Variants in PSD3 observed in about 807,000 individuals in gnomAD.
PSD3 encodes PH and SEC7 domain-containing protein 3.
In PSD3, 49 loss-of-function variants were observed where a neutral mutation model predicts 105.5. The ratio of observed to expected loss-of-function variants is 0.46; its 90% CI spans 0.37 to 0.59. The LOEUF is 0.59. Among genes scored for constraint, PSD3 ranks in the 20% least tolerant of loss-of-function variants. The probability of loss-of-function intolerance (pLI) is 0.00; values close to 1 mark genes in which losing one functional copy is unlikely to be tolerated. For synonymous variants in PSD3, 557 were observed against 457.8 expected, an observed-to-expected ratio of 1.22 and a Z score of -2.77; for missense variants, 1,561 against 1,263.8, an observed-to-expected ratio of 1.24 and a Z score of -3.57.
At chr8:19,047,610 A>G (rs1274912547) in intron 1 of PSD3, among the ~76,000 whole-genome samples, 1 of 152,068 alleles carries the variant, frequency 6.6e-6, no homozygotes, top group Non-Finnish European at 1.5e-5. Flanking sequence ...TTACAACTAC[A>G]CCATCAAGCC....
chr8:18,685,091 C>T (rs972003807), intron 9 of PSD3, among the ~76,000 whole-genome samples: 3 of 152,132 alleles, frequency 2.0e-5, no homozygotes, highest in African/African-American at 7.2e-5. Context: ...TTTACAAAGA[C>T]CACTCTGGGA....
intron 9 of PSD3, among the ~76,000 whole-genome samples, chr8:18,719,107 TGACTTCG>T (rs1802783658): frequency 6.6e-6 from 1 of 152,208 alleles, no homozygotes; most frequent in Non-Finnish European, 1.5e-5. Context: ...TAGGTGGCTG[TGACTTCG>T]GATAGTCCCG....
At chr8:19,052,145 A>G (rs1027809755) in intron 1 of PSD3, among the ~76,000 whole-genome samples, 12 of 152,202 alleles carry the variant, frequency 7.9e-5, no homozygotes, top group African/African-American at 2.9e-4. Context: ...CAGAAAAGCC[A>G]CTGTGGTGAG....
chr8:18,578,951 C>A (rs1802631774), intron 12 of PSD3, among the ~76,000 whole-genome samples: 1 of 152,052 alleles, frequency 6.6e-6, no homozygotes, highest in African/African-American at 2.4e-5. Context: ...TAGGGCTAAA[C>A]TGAAGTTGAA....
chr8:19,014,594 T>A (rs1368374948), upstream of PSD3: 1 of 152,248 alleles, frequency 6.6e-6, no homozygotes, highest in Non-Finnish European at 1.5e-5. This position sits in a 1 kb window ranked among gnomAD's most constrained non-coding sequence, Gnocchi z 4.9. Flanking sequence ...AGGCGGAACC[T>A]GTGTGGCCGG....
chr8:19,057,806 G>A (rs917698034), intron 1 of PSD3, among the ~76,000 whole-genome samples: 3 of 152,316 alleles, frequency 2.0e-5, no homozygotes, highest in South Asian at 2.1e-4. Flanking sequence ...TGGCAAGGAT[G>A]TGGAGAAACT....
chr8:18,573,702 C>G (rs73211720), intron 13 of PSD3, among the ~76,000 whole-genome samples: 13,107 of 152,116 alleles, frequency 0.086, 799 homozygotes, highest in African/African-American at 0.17. Flanking sequence ...AAGACCACAT[C>G]ATATATTAGT....
chr8:18,914,262 A>G (rs531048781), intron 2 of PSD3, among the ~76,000 whole-genome samples: 30 of 152,264 alleles, frequency 2.0e-4, no homozygotes, highest in African/African-American at 7.0e-4. Flanking sequence ...AACATAATAA[A>G]GACCCTATGT....
At chr8:18,685,084 A>G (rs1354444046) in intron 9 of PSD3, among the ~76,000 whole-genome samples, 1 of 152,222 alleles carries the variant, frequency 6.6e-6, no homozygotes, top group Non-Finnish European at 1.5e-5. Context: ...AACATTGTTT[A>G]CAAAGACCAC....
intron 2 of PSD3, among the ~76,000 whole-genome samples, chr8:18,898,088 C>A (rs903896208): frequency 1.3e-5 from 2 of 152,030 alleles, no homozygotes; most frequent in East Asian, 1.9e-4. Flanking sequence ...TTGACTGTGT[C>A]GAGGTATGTT....
intron 2 of PSD3, among the ~76,000 whole-genome samples, chr8:18,914,588 G>GAT (rs1820459511): frequency 6.6e-6 from 1 of 151,934 alleles, no homozygotes; most frequent in South Asian, 2.1e-4. Context: ...TCCAAAAAAA[G>GAT]ATATCAAAAA....
chr8:18,804,972 T>C (rs1397752765), intron 4 of PSD3, 74 bp from the exon 5 acceptor site: 7 of 1,248,016 alleles, frequency 5.6e-6, no homozygotes, highest in Admixed American at 2.3e-5. Flanking sequence ...TGATGAAATA[T>C]TGATAGTTTT....
intron 1 of PSD3, among the ~76,000 whole-genome samples, chr8:18,994,964 G>A (rs890518): frequency 0.27 from 40,399 of 148,984 alleles, 6,363 homozygotes; most frequent in Non-Finnish European, 0.35. Flanking sequence ...TTTAAGTACC[G>A]CGTCCAGTCT....
At chr8:18,904,429 C>T (rs888264665) in intron 2 of PSD3, among the ~76,000 whole-genome samples, 1 of 152,172 alleles carries the variant, frequency 6.6e-6, no homozygotes, top group African/African-American at 2.4e-5. Flanking sequence ...TTCAGCGGAT[C>T]ACCCTTTGTA....
intron 8 of PSD3, among the ~76,000 whole-genome samples, chr8:18,768,406 G>C (rs1430229733): frequency 2.0e-5 from 3 of 152,164 alleles, no homozygotes; most frequent in African/African-American, 7.2e-5. Context: ...GGGAGATCAA[G>C]ACTAGCCTGG....
At chr8:18,627,117 T>C (rs1806537552) in intron 11 of PSD3, among the ~76,000 whole-genome samples, 1 of 152,008 alleles carries the variant, frequency 6.6e-6, no homozygotes, top group African/African-American at 2.4e-5. Context: ...CAGAAAACAT[T>C]GGATTATAAT....
chr8:18,617,716 C>T (rs908148018), intron 11 of PSD3, among the ~76,000 whole-genome samples: 8 of 152,056 alleles, frequency 5.3e-5, no homozygotes, highest in Non-Finnish European at 7.4e-5. Context: ...TGCCCTCCTC[C>T]CTTTGGAGTT....
At chr8:19,084,663 T>G (rs1829753196) in exon 1 of PSD3, 1 of 339,816 alleles carries the variant, frequency 2.9e-6, no homozygotes, top group African/African-American at 2.2e-5. Context: ...ATCCTGGGAT[T>G]TTTTCCTCCC....
intron 4 of PSD3, among the ~76,000 whole-genome samples, chr8:18,830,700 C>T (rs139798016): frequency 1.3e-3 from 194 of 152,308 alleles, no homozygotes; most frequent in African/African-American, 4.5e-3. Flanking sequence ...AAGACTGCAG[C>T]ATAACCCGAA....
Sources: allele counts gnomAD v4.1 joint callset (sites outside exome capture counted in the v4.1 genomes callset), GRCh38; gene constraint gnomAD v4.1.1; non-coding constraint Gnocchi (gnomAD v3.1); transcripts MANE v1.5; gene names NCBI Gene and HGNC (gene_info 2026-07-23, HGNC 2026-07-21).